The following C5 variants were observed in gnomAD, a reference collection of about 807,000 sequenced individuals.
C5 encodes the protein C3 and PZP-like alpha-2-macroglobulin domain-containing protein 4.
Under a neutral mutation model 218.8 loss-of-function variants are expected in C5, and 140 were observed. The observed-to-expected ratio is 0.64, with a 90% CI of 0.56 to 0.74. The LOEUF (loss-of-function observed/expected upper bound fraction) is 0.74. Among genes scored for constraint, C5 ranks in the 30% least tolerant of loss-of-function variants. C5 has a pLI of 0.00. For missense variants in C5, 1,700 were observed against 1,969.6 expected, an observed-to-expected ratio of 0.86 and a Z score of 2.59; for synonymous variants, 614 against 682.3, an observed-to-expected ratio of 0.90 and a Z score of 1.56.
At chr9:120,993,721 C>T (rs1405131589) in intron 22 of C5, among the ~76,000 whole-genome samples, 3 of 152,108 alleles carry the variant, frequency 2.0e-5, no homozygotes, top group South Asian at 2.1e-4. Context: ...CGCGCCTGGC[C>T]GAGATATTTC....
chr9:121,062,858 T>G, the C5 span, among the ~76,000 whole-genome samples: 1 of 152,310 alleles, frequency 6.6e-6, no homozygotes, highest in Non-Finnish European at 1.5e-5. Context: ...GGATCCTTTG[T>G]ACTATCATGT....
rs368746637 is a variant in C5 at position 120,996,309 on chromosome 9, A to G, written c.2791-9T>C. ...CTTTTGACACCTTCTGGCTAAAATA[A>G]AGGCAGAAAACATTCAGTTAAAAAC... On this transcript the variant is annotated splice_polypyrimidine_tract_variant and intron_variant, in intron 21 of 40. Coordinates refer to ENST00000223642, the MANE Select transcript of C5 (RefSeq NM_001735.3). 3.1e-6 allele frequency: 5 copies of G among 1,609,440 alleles called. No homozygotes were observed. In the African/African-American group the frequency reaches 6.7e-5, roughly 21 times the overall value.
At chr9:121,034,968 GAT>G in intron 4 of C5, 74 bp from the exon 5 acceptor site, 1 of 715,432 alleles carries the variant, frequency 1.4e-6, no homozygotes, top group Non-Finnish European at 2.4e-6. Context: ...TACAATCTTT[GAT>G]GTACAAAATA....
At chr9:121,073,203 C>A in the C5 span, among the ~76,000 whole-genome samples, 1 of 152,216 alleles carries the variant, frequency 6.6e-6, no homozygotes, top group Non-Finnish European at 1.5e-5. Context: ...CCATACTGAA[C>A]TACTTCATGT....
In C5 at chr9:120,960,254, C is replaced by T; in HGVS notation, c.4672G>A (p.Ala1558Thr). ...ATTGAACTTTTGAACTCACCATATGCAATCTCTGGTTTACATGCTGTTTGT... is the reference window on the plus strand; with the variant it reads ...ATTGAACTTTTGAACTCACCATATGTAATCTCTGGTTTACATGCTGTTTGT... ...RKQTACKPEI[A>T]YAYKVSITSI... is the part of the protein sequence containing the mutation. The change falls in exon 38 of 41, where the codon GCA (alanine) becomes ACA (threonine). Residue 1558 changes from alanine to threonine, a missense_variant. Physicochemically the swap from Ala to Thr is moderately conservative, Grantham distance 58. Coordinates refer to ENST00000223642, the MANE Select transcript of C5 (RefSeq NM_001735.3). 1 of 1,604,894 alleles carries T rather than the reference C, an allele frequency of 6.2e-7. No individual in the cohort carries two copies. The highest frequency in any genetic ancestry group is 8.5e-7 in the Non-Finnish European group (1 of 1,172,006).
rs1235410014 is a variant in C5, at chr9:121,046,313, A to G, written c.136T>C (p.Tyr46His). 3 of 1,611,394 alleles carry G rather than the reference A, an allele frequency of 1.9e-6. No homozygotes were observed. In the African/African-American group the frequency reaches 4.0e-5, roughly 22 times the overall value. ...SENIVIQVYG[Y>H]TEAFDATISI... ...ATTGTTGCATCAAATGCTTCAGTGT[A>G]TCCATAAACTTGAATCACAATATTT... Residue 46 changes from tyrosine (Y) to histidine (H), a missense_variant, in exon 2 of 41, where the codon TAC becomes CAC. Tyr to His is a moderately conservative substitution (Grantham distance 83). Transcript: ENST00000223642.
At chr9:121,010,154 G>T (rs2047249979) in intron 17 of C5, among the ~76,000 whole-genome samples, 1 of 152,164 alleles carries the variant, frequency 6.6e-6, no homozygotes, top group Non-Finnish European at 1.5e-5. Flanking sequence ...ACAAGAGAAG[G>T]AAATAAAGGT....
intron 14 of C5, 54 bp downstream of exon 14, chr9:121,017,308 T>C: frequency 1.9e-6 from 3 of 1,605,634 alleles, no homozygotes; most frequent in South Asian, 1.1e-5. Flanking sequence ...CTCCATATCC[T>C]AGCCTGGTGG....
In C5 at chr9:120,984,520, C is replaced by T. The variant is rs373899344; in HGVS notation, c.3231-1706G>A. On this transcript the variant is annotated intron_variant, in intron 25 of 40. Coordinates refer to ENST00000223642, the MANE Select transcript of C5 (RefSeq NM_001735.3). ...AGAAAGGCATATGAGTGCAGTTATA[C>T]GGCCAGGCTGCCTCTCCACTTATCT... 6.6e-5 allele frequency among the ~76,000 whole-genome samples: 10 copies of T among 152,176 alleles called. No homozygotes were observed. The South Asian group carries it at 1.5e-3, about 22-fold the overall frequency.
intron 18 of C5, 114 bp downstream of exon 18, chr9:121,008,294 G>A (rs1249903652): frequency 2.8e-5 from 22 of 774,244 alleles, no homozygotes; most frequent in Admixed American, 4.5e-5. Context: ...TCAAATTGCA[G>A]GATCATCTTA....
chr9:121,044,235 G>A lies in C5; in HGVS notation c.259-1069C>T, dbSNP rs146991971. ...TATGCCTGTAATCCCAGCACTTTGGGAGGCCGAGGCGGGCGGATCACCTGA... is the reference window on the plus strand; with the variant it reads ...TATGCCTGTAATCCCAGCACTTTGGAAGGCCGAGGCGGGCGGATCACCTGA... On this transcript the variant is annotated intron_variant, in intron 2 of 40. Transcript: ENST00000223642. 6.9e-3 allele frequency among the ~76,000 whole-genome samples: 1,046 copies of A among 152,256 alleles called. 7 individuals are homozygous for A. Among genetic ancestry groups the A allele is most frequent in the Non-Finnish European group, 0.011 (715 of 68,008 alleles).
chr9:121,066,950 G>A, the C5 span, among the ~76,000 whole-genome samples: 1 of 150,900 alleles, frequency 6.6e-6, no homozygotes, highest in Non-Finnish European at 1.5e-5. Flanking sequence ...TTAATAAACA[G>A]TCTCAACAGT....
At position 120,963,077 on chromosome 9, in the gene C5, G is replaced by A. The variant is rs1588166063; in HGVS notation, c.4324-110C>T. ...GCAGGGATGTGATCTGTAATTCAAAGAAATTGAAGAGCAGTTCCTCTTCTT... is the reference window on the plus strand; with the variant it reads ...GCAGGGATGTGATCTGTAATTCAAAAAAATTGAAGAGCAGTTCCTCTTCTT... On this transcript the variant is annotated intron_variant, in intron 34 of 40. Transcript: ENST00000223642. 10 of 861,888 alleles carry A rather than the reference G, an allele frequency of 1.2e-5. No individual in the cohort carries two copies. The East Asian group carries it at 2.4e-4, about 21-fold the overall frequency. The allele number at this position is 861,888 out of a possible 1,614,324, so 53.4% of individuals were successfully genotyped here. A position where few individuals can be genotyped will look rare whatever the true frequency, so the allele number is the denominator to read the frequency against.
At chr9:120,956,505 T>C (rs867893770) in intron 39 of C5, among the ~76,000 whole-genome samples, 1 of 152,078 alleles carries the variant, frequency 6.6e-6, no homozygotes, top group Non-Finnish European at 1.5e-5. Flanking sequence ...TCCAAAGCAA[T>C]TTACAGATTT....
intron 19 of C5, 22 bp downstream of exon 19, chr9:121,006,882 T>C: frequency 2.1e-6 from 3 of 1,452,370 alleles, no homozygotes; most frequent in Non-Finnish European, 2.9e-6. Context: ...TTTAAATGCA[T>C]ATATCACTTA....
rs757984232 is a variant in C5, at chr9:121,050,163, G to A, written c.65+19C>T. The A allele has an allele frequency of 1.3e-6, 2 of 1,585,396 alleles. No homozygotes were observed. Among genetic ancestry groups the A allele is most frequent in the Non-Finnish European group, 1.7e-6 (2 of 1,154,116 alleles). On this transcript the variant is annotated intron_variant, in intron 1 of 40. Coordinates refer to ENST00000223642, the MANE Select transcript of C5 (RefSeq NM_001735.3). ...TAACTAAGATGCATTGAAAAATGAAGATAGCTTGTTTTACTTACGTTTGCT... is the reference window on the plus strand; with the variant it reads ...TAACTAAGATGCATTGAAAAATGAAAATAGCTTGTTTTACTTACGTTTGCT...
chr9:120,963,244 C>T (rs1435175144), intron 34 of C5, among the ~76,000 whole-genome samples: 1 of 152,204 alleles, frequency 6.6e-6, no homozygotes, highest in Non-Finnish European at 1.5e-5. Context: ...TGGCTCACGC[C>T]TGTAATCCCA....
In C5 at chr9:120,977,066, A is replaced by G. The variant is rs78639942; in HGVS notation, c.3659-161T>C. Among the ~76,000 whole-genome samples the G allele has an allele frequency of 2.7e-3, 410 of 152,288 alleles. 2 individuals carry two copies. The highest frequency in any genetic ancestry group is 7.9e-3 in the African/African-American group (328 of 41,558). On this transcript the variant is annotated intron_variant, in intron 28 of 40. Coordinates refer to ENST00000223642, the MANE Select transcript of C5 (RefSeq NM_001735.3). ...GACCAATGCAAAACGAGATCCCTTAATATGGTATTACTTGTCTTTACACAT... is the reference window on the plus strand; with the variant it reads ...GACCAATGCAAAACGAGATCCCTTAGTATGGTATTACTTGTCTTTACACAT...
Position 121,032,214 on chromosome 9 carries a change from T to G in C5, c.585-19A>C. 6.9e-7 allele frequency: 1 copy of G among 1,439,784 alleles called. No individual in the cohort carries two copies. The highest frequency in any genetic ancestry group is 9.8e-7 in the Non-Finnish European group (1 of 1,021,988). 89.2% of individuals were successfully genotyped at this position (1,439,784 alleles called of 1,614,324 possible). On this transcript the variant is annotated intron_variant, in intron 5 of 40. Transcript: ENST00000223642. ...ACCATATCTGTGGAAGCAAAATATT[T>G]AAAATTATAGATGTCATCAAATGTT... is the stretch of plus-strand genomic sequence containing the variant.
Sources: allele counts gnomAD v4.1 joint callset (sites outside exome capture counted in the v4.1 genomes callset), GRCh38; gene constraint gnomAD v4.1.1; transcripts MANE v1.5; gene names NCBI Gene and HGNC (gene_info 2026-07-23, HGNC 2026-07-21).